The following PREP variants were observed in gnomAD, a reference collection of about 807,000 sequenced individuals.
PREP encodes the protein prolyl endopeptidase, also known as dJ355L5.1 (prolyl endopeptidase).
A neutral mutation model predicts 87.6 loss-of-function variants in PREP; 29 were observed. The observed-to-expected ratio is 0.33, with a 90% CI of 0.25 to 0.45. The LOEUF is 0.45. Among genes scored for constraint, PREP ranks in the 20% least tolerant of loss-of-function variants. PREP has a pLI of 1.00. For missense variants in PREP, 695 were observed against 886.5 expected, an observed-to-expected ratio of 0.78 and a Z score of 2.74; for synonymous variants, 337 against 328.6, an observed-to-expected ratio of 1.03 and a Z score of -0.28.
chr6:105,331,805 A>G (rs1771343328), intron 8 of PREP, among the ~76,000 whole-genome samples: 1 of 152,214 alleles, frequency 6.6e-6, no homozygotes, highest in South Asian at 2.1e-4. Context: ...GAATGTGAAC[A>G]GAGGGTTTTG....
At chr6:105,380,927 G>A (rs755524411) in intron 2 of PREP, among the ~76,000 whole-genome samples, 10 of 152,168 alleles carry the variant, frequency 6.6e-5, no homozygotes, top group Non-Finnish European at 1.3e-4. Context: ...TTCTCCAGCT[G>A]TTTCTCTATT....
At chr6:105,359,239 G>A (rs1224069418) in intron 6 of PREP, among the ~76,000 whole-genome samples, 2 of 152,096 alleles carry the variant, frequency 1.3e-5, no homozygotes, top group African/African-American at 4.8e-5. Context: ...AGGTGGGAGA[G>A]ACAGATACAC....
intron 6 of PREP, among the ~76,000 whole-genome samples, chr6:105,366,147 C>G (rs1402464915): frequency 6.6e-6 from 1 of 152,142 alleles, no homozygotes; most frequent in Non-Finnish European, 1.5e-5. Context: ...ATCCCAGCTA[C>G]TCAGGAGGGT....
chr6:105,283,035 G>A (rs918134770), intron 12 of PREP, among the ~76,000 whole-genome samples: 15 of 152,192 alleles, frequency 9.9e-5, no homozygotes, highest in African/African-American at 3.4e-4. Flanking sequence ...TCCCCTCCCC[G>A]CGAAGACGGA....
At chr6:105,367,898 T>A (rs756969188) in intron 6 of PREP, among the ~76,000 whole-genome samples, 1 of 152,070 alleles carries the variant, frequency 6.6e-6, no homozygotes, top group Non-Finnish European at 1.5e-5. Context: ...ACAAAAAAAC[T>A]CCATCTACAA....
Position 105,373,598 on chromosome 6 carries a change from T to A in PREP, c.386-20A>T, listed in dbSNP as rs1178001926. ...CATAACCTATGGGACACAGGAGAAA[T>A]CATCCAGTGACAAACACGGAACACA... On this transcript the variant is annotated intron_variant, in intron 4 of 14. Coordinates refer to ENST00000652536, the MANE Select transcript of PREP (RefSeq NM_002726.5). 8.1e-6 allele frequency: 13 copies of A among 1,607,480 alleles called. No homozygotes were observed. The highest frequency in any genetic ancestry group is 1.1e-5 in the Non-Finnish European group (13 of 1,174,952).
intron 7 of PREP, among the ~76,000 whole-genome samples, chr6:105,334,082 A>G (rs1181086859): frequency 6.6e-6 from 1 of 152,226 alleles, no homozygotes; most frequent in Non-Finnish European, 1.5e-5. Context: ...TTCTTGGTCT[A>G]TAGCATTAGC....
chr6:105,360,556 G>T (rs1247328496), intron 6 of PREP, among the ~76,000 whole-genome samples: 1 of 152,128 alleles, frequency 6.6e-6, no homozygotes, highest in East Asian at 1.9e-4. Context: ...TGTATACTGT[G>T]GTTCTAGGCT....
chr6:105,335,531 C>T (rs1363662087), intron 7 of PREP, among the ~76,000 whole-genome samples: 1 of 152,094 alleles, frequency 6.6e-6, no homozygotes, highest in Non-Finnish European at 1.5e-5. Context: ...GTTGGGTGAC[C>T]TTGAGCAATC....
chr6:105,336,933 T>C (rs1342597494), intron 7 of PREP, among the ~76,000 whole-genome samples: 1 of 152,154 alleles, frequency 6.6e-6, no homozygotes, highest in Non-Finnish European at 1.5e-5. Context: ...ATTTCCTCCT[T>C]AGCCTAATAA....
At position 105,278,880 on chromosome 6, in the gene PREP, T is replaced by C. The variant is rs1770008111; in HGVS notation, c.1839-442A>G. ...ATAAAGGGGCTTGCTGCCCCTTTAATAACATCTATAAAGCCTTTATTCCAG... is the reference window on the plus strand; with the variant it reads ...ATAAAGGGGCTTGCTGCCCCTTTAACAACATCTATAAAGCCTTTATTCCAG... On this transcript the variant is annotated intron_variant, in intron 14 of 14. Coordinates refer to ENST00000652536, the MANE Select transcript of PREP (RefSeq NM_002726.5). The surrounding 1 kb of genome is among the most constrained non-coding windows in gnomAD (Gnocchi z 4.2). 6.4e-6 allele frequency: 1 copy of C among 156,480 alleles called. No homozygotes were observed. The highest frequency in any genetic ancestry group is 6.2e-5 in the Admixed American group (1 of 16,144). The allele number at this position is 156,480 out of a possible 1,614,324, so 9.7% of individuals were successfully genotyped here. A position where few individuals can be genotyped will look rare whatever the true frequency, so the allele number is the denominator to read the frequency against.
chr6:105,329,067 A>C (rs751417588), intron 8 of PREP, 41 bp from the exon 9 acceptor site: 11 of 1,543,758 alleles, frequency 7.1e-6, no homozygotes, highest in Non-Finnish European at 9.8e-6. Context: ...GCAATTTAAA[A>C]AATTAATGAA....
chr6:105,369,266 T>C (rs1294866883), intron 5 of PREP, among the ~76,000 whole-genome samples: 1 of 152,218 alleles, frequency 6.6e-6, no homozygotes, highest in Admixed American at 6.5e-5. Flanking sequence ...AAAATATGTG[T>C]AAGATCTATC....
chr6:105,314,722 A>T (rs1770826281), intron 10 of PREP, among the ~76,000 whole-genome samples: 1 of 152,166 alleles, frequency 6.6e-6, no homozygotes, highest in Non-Finnish European at 1.5e-5. Flanking sequence ...TGAAGGGTGG[A>T]ATCAACCTCT....
intron 6 of PREP, among the ~76,000 whole-genome samples, chr6:105,362,953 T>C (rs1772292725): frequency 6.6e-6 from 1 of 152,218 alleles, no homozygotes; most frequent in South Asian, 2.1e-4. Context: ...TTCATGTGCA[T>C]GAACTTCCAC....
At chr6:105,377,869 C>T (rs1772728462) in intron 2 of PREP, among the ~76,000 whole-genome samples, 1 of 152,162 alleles carries the variant, frequency 6.6e-6, no homozygotes, top group Non-Finnish European at 1.5e-5. Flanking sequence ...TAAAAAGTTG[C>T]CCGACATCAT....
intron 6 of PREP, among the ~76,000 whole-genome samples, chr6:105,356,384 G>A (rs1193061047): frequency 6.6e-6 from 1 of 152,158 alleles, no homozygotes; most frequent in African/African-American, 2.4e-5. Context: ...AAACCTTTGG[G>A]AGTTGTCAGC....
Position 105,294,701 on chromosome 6 carries a change from C to G in PREP, c.1318-5807G>C, listed in dbSNP as rs115996680. Among the ~76,000 whole-genome samples the G allele has an allele frequency of 6.1e-3, 934 of 152,324 alleles. 5 individuals are homozygous for G. Among genetic ancestry groups the G allele is most frequent in the African/African-American group, 0.022 (902 of 41,580 alleles). ...CAACAGCACAACGCTCACCCATCAC[C>G]TTGGTTATACCTTGGCCCTTAGAGC... is the stretch of plus-strand genomic sequence containing the variant. On this transcript the variant is annotated intron_variant, in intron 10 of 14. Transcript: ENST00000652536.
intron 10 of PREP, among the ~76,000 whole-genome samples, chr6:105,311,919 G>A (rs1391267295): frequency 1.3e-5 from 2 of 152,174 alleles, no homozygotes; most frequent in East Asian, 3.8e-4. Context: ...AGGATTCTGA[G>A]CAATGGTGTC....
Sources: allele counts gnomAD v4.1 joint callset (sites outside exome capture counted in the v4.1 genomes callset), GRCh38; gene constraint gnomAD v4.1.1; non-coding constraint Gnocchi (gnomAD v3.1); transcripts MANE v1.5; gene names NCBI Gene and HGNC (gene_info 2026-07-23, HGNC 2026-07-21).